CHCHD3: variants seen among roughly 807,000 people sequenced by gnomAD.
CHCHD3 encodes MICOS complex subunit MIC19.
In CHCHD3, 20 loss-of-function variants were observed where a neutral mutation model predicts 38.2. That is an observed-to-expected ratio of 0.52 (90% CI 0.37 to 0.76). The LOEUF is 0.76. CHCHD3 is among the 30% of genes least tolerant of loss of function. The pLI is 0.00. For synonymous variants in CHCHD3, 82 were observed against 100.0 expected (o/e 0.82, Z 1.07); for missense variants, 245 against 279.2 (o/e 0.88, Z 0.87).
In CHCHD3 at chr7:132,788,240, G is replaced by T. The variant is rs187574765; in HGVS notation, c.661-2580C>A. 2.2e-4 allele frequency among the ~76,000 whole-genome samples: 33 copies of T among 152,288 alleles called. No homozygotes were observed. Among genetic ancestry groups the T allele is most frequent in the African/African-American group, 7.7e-4 (32 of 41,560 alleles). On this transcript the variant is annotated intron_variant, in intron 7 of 7. Transcript: ENST00000262570. This position sits in a 1 kb window ranked among gnomAD's most constrained non-coding sequence, Gnocchi z 4.0. ...GCAGATCTATACTGAGCCTATCTAA[G>T]GGAATGCAGTTACTAGAGAAAGTGA... is the stretch of plus-strand genomic sequence containing the variant.
At position 132,788,628 on chromosome 7, in the gene CHCHD3, G is replaced by C. The variant is rs1273221787; in HGVS notation, c.661-2968C>G. Among the ~76,000 whole-genome samples, 1 of 152,208 alleles carries C rather than the reference G, an allele frequency of 6.6e-6. No individual in the cohort carries two copies. Among genetic ancestry groups the C allele is most frequent in the Non-Finnish European group, 1.5e-5 (1 of 68,034 alleles). ...AGAATGTTAGGCTCTCTTTCAGAAA[G>C]AGACAAGATGGGGCCTGGCTGGTCT... On this transcript the variant is annotated intron_variant, in intron 7 of 7. Transcript: ENST00000262570. The surrounding 1 kb of genome is among the most constrained non-coding windows in gnomAD (Gnocchi z 4.0).
At chr7:133,062,488 T>C (rs1464016189) in intron 2 of CHCHD3, among the ~76,000 whole-genome samples, 2 of 152,210 alleles carry the variant, frequency 1.3e-5, no homozygotes, top group African/African-American at 4.8e-5. Context: ...GTTTTCTTAA[T>C]ATAGTTTTGG....
rs769667014 is a variant in CHCHD3 at position 133,035,061 on chromosome 7, G to T, written c.170-10434C>A. On this transcript the variant is annotated intron_variant, in intron 2 of 7. Transcript: ENST00000262570. The surrounding 1 kb of genome is among the most constrained non-coding windows in gnomAD (Gnocchi z 4.7). Reference sequence around the variant, plus strand: ...GCGCTTAAATTCATCCAACACAAAGGTACTCTTGGGCAGGTGAGCGAAGGG... The same window carrying T: ...GCGCTTAAATTCATCCAACACAAAGTTACTCTTGGGCAGGTGAGCGAAGGG... 1 of 1,613,702 alleles carries T rather than the reference G, an allele frequency of 6.2e-7. No homozygotes were observed. Among genetic ancestry groups the T allele is most frequent in the South Asian group, 1.1e-5 (1 of 91,064 alleles).
At chr7:132,934,134 A>C (rs1349516472) in intron 4 of CHCHD3, among the ~76,000 whole-genome samples, 21 of 152,176 alleles carry the variant, frequency 1.4e-4, no homozygotes, top group Admixed American at 1.4e-3. Context: ...CAAACTTCTC[A>C]AACTTCTGAT....
At chr7:132,974,222 AAC>A (rs891256717) in intron 4 of CHCHD3, among the ~76,000 whole-genome samples, 4 of 152,226 alleles carry the variant, frequency 2.6e-5, no homozygotes, top group South Asian at 2.1e-4. Context: ...TCTCGAGGAA[AAC>A]ACACACTGGT....
chr7:133,005,385 T>G (rs1160827638), intron 3 of CHCHD3, among the ~76,000 whole-genome samples: 2 of 152,232 alleles, frequency 1.3e-5, no homozygotes, highest in African/African-American at 4.8e-5. Context: ...CTTATTAGTG[T>G]GGGATCAAGA....
intron 4 of CHCHD3, among the ~76,000 whole-genome samples, chr7:132,900,680 AACTCT>A (rs1221793000): frequency 6.6e-6 from 1 of 152,242 alleles, no homozygotes; most frequent in Non-Finnish European, 1.5e-5. Context: ...CTTAAGATGC[AACTCT>A]ACTATATTCT....
chr7:132,984,999 G>A (rs1812057286), intron 3 of CHCHD3, among the ~76,000 whole-genome samples: 1 of 78,950 alleles, frequency 1.3e-5, no homozygotes, highest in Admixed American at 1.4e-4. Context: ...CCTCTGCCCG[G>A]CCAGCCGCCC....
chr7:133,058,046 T>C (rs1482469096), intron 2 of CHCHD3, among the ~76,000 whole-genome samples: 1 of 152,064 alleles, frequency 6.6e-6, no homozygotes. Context: ...GAAGACAACA[T>C]GTTATTAAGA....
chr7:133,079,315 GC>G (rs1815103212), intron 1 of CHCHD3, among the ~76,000 whole-genome samples: 1 of 152,154 alleles, frequency 6.6e-6, no homozygotes, highest in African/African-American at 2.4e-5. Context: ...CTCAAAGTAG[GC>G]TTTGTCCAGA....
intron 6 of CHCHD3, among the ~76,000 whole-genome samples, chr7:132,829,861 C>T (rs906227251): frequency 1.3e-5 from 2 of 152,180 alleles, no homozygotes; most frequent in African/African-American, 4.8e-5. Flanking sequence ...TTGGTGTACA[C>T]TCCTGCTCCT....
intron 2 of CHCHD3, among the ~76,000 whole-genome samples, chr7:133,065,152 C>G (rs1213585945): frequency 6.6e-6 from 1 of 151,840 alleles, no homozygotes; most frequent in Non-Finnish European, 1.5e-5. Flanking sequence ...GATAACGCAG[C>G]AAAAAAATTG....
intron 1 of CHCHD3, among the ~76,000 whole-genome samples, chr7:133,080,681 C>G (rs1815148055): frequency 6.6e-6 from 1 of 152,174 alleles, no homozygotes; most frequent in Non-Finnish European, 1.5e-5. Context: ...GTAGTACTAC[C>G]ATTAATTAGC....
intron 2 of CHCHD3, among the ~76,000 whole-genome samples, chr7:133,031,880 T>C (rs1056201429): frequency 6.6e-6 from 1 of 152,162 alleles, no homozygotes. Context: ...CAAATTAAAT[T>C]TTCAGCTCAA....
At chr7:133,077,001 T>G (rs1343992739) in intron 1 of CHCHD3, among the ~76,000 whole-genome samples, 1 of 152,188 alleles carries the variant, frequency 6.6e-6, no homozygotes, top group Admixed American at 6.5e-5. Flanking sequence ...ATTACCTTTT[T>G]AAGACATAGG....
At chr7:133,007,016 T>A (rs899687204) in intron 3 of CHCHD3, among the ~76,000 whole-genome samples, 1 of 152,320 alleles carries the variant, frequency 6.6e-6, no homozygotes. Flanking sequence ...CGTGGTTTTG[T>A]GTGAATAGTG....
intron 2 of CHCHD3, among the ~76,000 whole-genome samples, chr7:133,040,031 G>A (rs1481987796): frequency 3.3e-5 from 5 of 152,130 alleles, no homozygotes. Context: ...GTAACTTAGG[G>A]TCTCCATTAG....
intron 3 of CHCHD3, among the ~76,000 whole-genome samples, chr7:133,009,104 C>G (rs1418505860): frequency 6.6e-6 from 1 of 151,994 alleles, no homozygotes; most frequent in East Asian, 1.9e-4. Context: ...TGGCTCACAC[C>G]TGTAATCCCA....
intron 6 of CHCHD3, among the ~76,000 whole-genome samples, chr7:132,836,259 A>G (rs1052407260): frequency 6.6e-6 from 1 of 152,070 alleles, no homozygotes; most frequent in Non-Finnish European, 1.5e-5. Flanking sequence ...AGCTGGGATT[A>G]CAGGCATGCA....
Sources: allele counts gnomAD v4.1 joint callset (sites outside exome capture counted in the v4.1 genomes callset), GRCh38; gene constraint gnomAD v4.1.1; non-coding constraint Gnocchi (gnomAD v3.1); transcripts MANE v1.5; gene names NCBI Gene and HGNC (gene_info 2026-07-23, HGNC 2026-07-21).